The following OGDHL variants were observed in gnomAD, a reference collection of about 807,000 sequenced individuals.
The protein encoded by OGDHL is 2-oxoglutarate dehydrogenase-like, mitochondrial.
In OGDHL, 79 loss-of-function variants were observed where a neutral mutation model predicts 109.6. The ratio of observed to expected loss-of-function variants is 0.72; its 90% CI spans 0.60 to 0.87. The LOEUF (loss-of-function observed/expected upper bound fraction) is 0.87. OGDHL is among the 40% of genes least tolerant of loss of function. The probability of loss-of-function intolerance (pLI) is 0.00; values close to 1 mark genes in which losing one functional copy is unlikely to be tolerated. For missense variants in OGDHL, 1,275 were observed against 1,362.2 expected (o/e 0.94, Z 1.01); for synonymous variants, 528 against 537.2 (o/e 0.98, Z 0.24).
intron 3 of OGDHL, among the ~76,000 whole-genome samples, chr10:49,755,748 G>A (rs1486244350): frequency 6.6e-6 from 1 of 152,214 alleles, no homozygotes; most frequent in Non-Finnish European, 1.5e-5. Context: ...AAAGAACAAA[G>A]AGCTACTGAA....
rs371079240 is a variant in OGDHL, at chr10:49,737,782, G to A, written c.2590+4C>T. 1.9e-5 allele frequency: 31 copies of A among 1,613,990 alleles called. 1 individual carries two copies. The highest frequency in any genetic ancestry group is 1.8e-4 in the East Asian group (8 of 44,880). ...TACCCCACACACCCAGGCCAGGCAC[G>A]TACCGGATACCATTTGGTCAAAGCT... On this transcript the variant is annotated splice_donor_region_variant and intron_variant, in intron 20 of 22. Coordinates refer to ENST00000374103, the MANE Select transcript of OGDHL (RefSeq NM_018245.3).
chr10:49,746,613 A>C (rs2133034936), intron 10 of OGDHL, 137 bp downstream of exon 10: 1 of 1,167,480 alleles, frequency 8.6e-7, no homozygotes, highest in East Asian at 2.5e-5. Flanking sequence ...CCAAGGCTGG[A>C]AAGAGCAGGG....
intron 4 of OGDHL, 144 bp from the exon 5 acceptor site, chr10:49,752,392 G>T: frequency 1.4e-6 from 1 of 720,988 alleles, no homozygotes; most frequent in South Asian, 1.6e-5. Context: ...AGAAGTGAGA[G>T]TGAGCCCAGG....
At chr10:49,750,763 T>C (rs1842532035) in intron 7 of OGDHL, 76 bp downstream of exon 7, 2 of 1,486,644 alleles carry the variant, frequency 1.3e-6, no homozygotes, top group Admixed American at 2.1e-5. Context: ...CCGCTCTGAT[T>C]TCCATCTCAT....
intron 8 of OGDHL, among the ~76,000 whole-genome samples, chr10:49,747,991 C>T (rs1373179817): frequency 1.3e-5 from 2 of 152,148 alleles, no homozygotes; most frequent in African/African-American, 4.8e-5. Context: ...ATTATATCGG[C>T]AAAGATGAAA....
chr10:49,743,107 C>A, intron 14 of OGDHL, 129 bp from the exon 15 acceptor site: 1 of 1,238,688 alleles, frequency 8.1e-7, no homozygotes, highest in Non-Finnish European at 1.1e-6. Flanking sequence ...GGCAGGGATG[C>A]TGCAGGAGGG....
intron 8 of OGDHL, 64 bp from the exon 9 acceptor site, chr10:49,747,272 GC>G: frequency 6.5e-7 from 1 of 1,545,234 alleles, no homozygotes; most frequent in Non-Finnish European, 8.8e-7. Context: ...AGATACACAG[GC>G]AGGCACTGCA....
intron 17 of OGDHL, chr10:49,738,487 G>C (rs763290421): frequency 8.6e-6 from 5 of 578,040 alleles, no homozygotes; most frequent in Non-Finnish European, 1.2e-5. Flanking sequence ...GAACTTGCAG[G>C]GACAGAAGAA....
chr10:49,736,311 AC>A (rs1377936366), intron 21 of OGDHL, 45 bp downstream of exon 21: 1 of 1,608,296 alleles, frequency 6.2e-7, no homozygotes, highest in African/African-American at 1.3e-5. Flanking sequence ...GGGGCCAGCG[AC>A]GTGAGCTTGC....
rs776069510 is a variant in OGDHL at position 49,747,016 on chromosome 10, C to T, written c.1167+13G>A. On this transcript the variant is annotated intron_variant, in intron 9 of 22. Coordinates refer to ENST00000374103, the MANE Select transcript of OGDHL (RefSeq NM_018245.3). Reference sequence around the variant, plus strand: ...AGGGCCCAGGTCCTCTGGGTTCCCCCAGGTGAGCTCACCTTCTTGCCCTGG... The same window carrying T: ...AGGGCCCAGGTCCTCTGGGTTCCCCTAGGTGAGCTCACCTTCTTGCCCTGG... The T allele has an allele frequency of 1.1e-5, 18 of 1,613,064 alleles. No individual in the cohort carries two copies. Among genetic ancestry groups the T allele is most frequent in the Non-Finnish European group, 1.4e-5 (17 of 1,179,342 alleles).
chr10:49,742,044 T>C (rs368073379), intron 15 of OGDHL, among the ~76,000 whole-genome samples: 1 of 131,528 alleles, frequency 7.6e-6, no homozygotes, highest in African/African-American at 3.2e-5. Flanking sequence ...ATACCACACA[T>C]ATCACACGCA....
Position 49,736,016 on chromosome 10 carries a change from C to T in OGDHL, c.2909+7G>A. Reference sequence around the variant, plus strand: ...GGTGAGGGGCAATCAGCGGCCCCACCATGTACCATATGGGCCGTGCGCGCC... The same window carrying T: ...GGTGAGGGGCAATCAGCGGCCCCACTATGTACCATATGGGCCGTGCGCGCC... On this transcript the variant is annotated splice_region_variant and intron_variant, in intron 22 of 22. Coordinates refer to ENST00000374103, the MANE Select transcript of OGDHL (RefSeq NM_018245.3). 1.3e-6 allele frequency: 2 copies of T among 1,566,348 alleles called. No individual in the cohort carries two copies. The highest frequency in any genetic ancestry group is 2.5e-5 in the South Asian group (2 of 81,550).
chr10:49,756,722 C>T lies in OGDHL; in HGVS notation c.375+54G>A, dbSNP rs1311771645. On this transcript the variant is annotated intron_variant, in intron 3 of 22. Coordinates refer to ENST00000374103, the MANE Select transcript of OGDHL (RefSeq NM_018245.3). ...GAGACCCCTTCCCTTCAGTGCCTGG[C>T]CACACCCCAGGAGCCAGTGCAGCCT... 3.3e-6 allele frequency: 5 copies of T among 1,531,998 alleles called. No homozygotes were observed. The Admixed American group carries it at 9.6e-5, about 30-fold the overall frequency. The allele number at this position is 1,531,998 out of a possible 1,614,324, so 94.9% of individuals were successfully genotyped here.
chr10:49,747,815 C>T (rs955272515), intron 8 of OGDHL, among the ~76,000 whole-genome samples: 5 of 152,076 alleles, frequency 3.3e-5, no homozygotes, highest in Non-Finnish European at 5.9e-5. Context: ...GTACAAAACG[C>T]TTTTACAAAT....
At position 49,737,332 on chromosome 10, in the gene OGDHL, C is replaced by T. The variant is rs145384661; in HGVS notation, c.2590+454G>A. On this transcript the variant is annotated intron_variant, in intron 20 of 22. Coordinates refer to ENST00000374103, the MANE Select transcript of OGDHL (RefSeq NM_018245.3). Reference sequence around the variant, plus strand: ...CTCCACCAGCCTCACACCTGTCCTTCCCTGGACATAGTCACCTCTCAGTTG... The same window carrying T: ...CTCCACCAGCCTCACACCTGTCCTTTCCTGGACATAGTCACCTCTCAGTTG... 2.2e-3 allele frequency among the ~76,000 whole-genome samples: 333 copies of T among 152,278 alleles called. 2 individuals are homozygous for T. Among genetic ancestry groups the T allele is most frequent in the Non-Finnish European group, 3.6e-3 (248 of 68,018 alleles).
intron 11 of OGDHL, 95 bp from the exon 12 acceptor site, chr10:49,745,591 C>T: frequency 6.7e-7 from 1 of 1,489,798 alleles, no homozygotes. Flanking sequence ...AGGGCACACC[C>T]ACTGGGAGCC....
At chr10:49,750,717 G>A in intron 7 of OGDHL, 122 bp downstream of exon 7, 2 of 1,342,920 alleles carry the variant, frequency 1.5e-6, no homozygotes, top group Non-Finnish European at 2.0e-6. Flanking sequence ...AACTTTCCAG[G>A]AAACCCACCT....
At chr10:49,746,937 G>A in intron 9 of OGDHL, 59 bp from the exon 10 acceptor site, 2 of 1,611,860 alleles carry the variant, frequency 1.2e-6, no homozygotes, top group East Asian at 2.2e-5. Context: ...AGCCCAGCCG[G>A]CACCTGTACT....
chr10:49,741,824 A>T (rs1468795818), intron 15 of OGDHL, among the ~76,000 whole-genome samples: 1 of 147,048 alleles, frequency 6.8e-6, no homozygotes, highest in Admixed American at 6.8e-5. Flanking sequence ...ACACATATAC[A>T]CCACACACAT....
Sources: gnomAD v4.1 joint callset for allele counts (sites outside exome capture counted in the v4.1 genomes callset) on GRCh38, gnomAD v4.1.1 for gene constraint, MANE v1.5 for transcripts, NCBI Gene and HGNC (gene_info 2026-07-23, HGNC 2026-07-21) for gene names.